TRMT9B: variants seen among roughly 807,000 people sequenced by gnomAD.
TRMT9B encodes the protein probable tRNA methyltransferase 9B.
In TRMT9B, 16 loss-of-function variants were observed where a neutral mutation model predicts 11.5. The ratio of observed to expected loss-of-function variants is 1.39; its 90% CI spans 0.94 to 2.11. The LOEUF is 2.11. Among genes scored for constraint, TRMT9B ranks in the 30% most tolerant of loss-of-function variants. TRMT9B has a pLI of 0.00. For missense variants in TRMT9B, 941 were observed against 553.8 expected (o/e 1.70, Z -7.02); for synonymous variants, 274 against 192.4 (o/e 1.42, Z -3.51).
intron 1 of TRMT9B, among the ~76,000 whole-genome samples, chr8:12,974,057 G>T (rs1345280700): frequency 6.6e-6 from 1 of 152,006 alleles, no homozygotes; most frequent in Non-Finnish European, 1.5e-5. Context: ...TGTAGTCCCA[G>T]CTACTCAGAA....
rs192921754 is a variant in TRMT9B at position 12,965,867 on chromosome 8, G to C, written c.-200+19901G>C. Among the ~76,000 whole-genome samples, 236 of 150,706 alleles carry C rather than the reference G, an allele frequency of 1.6e-3. 4 individuals carry two copies. The highest frequency in any genetic ancestry group is 0.014 in the Admixed American group (208 of 15,132). On this transcript the variant is annotated intron_variant, in intron 1 of 4. Transcript: ENST00000524591. ...ATCTCTACTAAATATACAAAAATCA[G>C]CCGGGTGTGGTGGCGGGCACCTGTA...
Position 13,021,952 on chromosome 8 carries a change from A to G in TRMT9B, c.1273A>G (p.Lys425Glu). Residue 425 changes from lysine to glutamate, a missense_variant, in exon 5 of 5, where the codon AAG (lysine) becomes GAG (glutamate). Lys to Glu is a moderately conservative substitution (Grantham distance 56). Transcript: ENST00000524591. ...FREGELCSLL[K>E]ENVSELRILS... Reference sequence around the variant, plus strand: ...AGAAGGGGAGCTCTGCAGTCTGCTCAAGGAGAATGTGTCAGAGCTCCGTAT... The same window carrying G: ...AGAAGGGGAGCTCTGCAGTCTGCTCGAGGAGAATGTGTCAGAGCTCCGTAT... 6.2e-7 allele frequency: 1 copy of G among 1,613,696 alleles called. No individual in the cohort carries two copies. The highest frequency in any genetic ancestry group is 8.5e-7 in the Non-Finnish European group (1 of 1,179,818).
chr8:12,953,301 G>A (rs1800874317), intron 1 of TRMT9B, among the ~76,000 whole-genome samples: 1 of 152,126 alleles, frequency 6.6e-6, no homozygotes, highest in Non-Finnish European at 1.5e-5. Context: ...TTATTCATGT[G>A]ACATCAGCAA....
intron 4 of TRMT9B, among the ~76,000 whole-genome samples, chr8:13,020,384 C>T (rs774835980): frequency 6.6e-6 from 1 of 152,142 alleles, no homozygotes; most frequent in South Asian, 2.1e-4. Context: ...AAGCTCATTT[C>T]GACTTTGCAG....
At chr8:12,993,193 A>G (rs1274070692) in intron 2 of TRMT9B, among the ~76,000 whole-genome samples, 2 of 152,230 alleles carry the variant, frequency 1.3e-5, no homozygotes, top group African/African-American at 2.4e-5. Flanking sequence ...TTCGTGACAG[A>G]CTGAGGAGTG....
rs1814238208 is a variant in TRMT9B, at chr8:13,023,235, T to C, written c.*1191T>C. 6.0e-6 allele frequency: 1 copy of C among 167,108 alleles called. No individual in the cohort carries two copies. Among genetic ancestry groups the C allele is most frequent in the African/African-American group, 2.4e-5 (1 of 41,466 alleles). 10.4% of individuals were successfully genotyped at this position (167,108 alleles called of 1,614,324 possible). ...CAAGAACTAGGCATTTCTTCTGAGTTGACGGACTCTTTAGGAAAGGAGAAT... is the reference window on the plus strand; with the variant it reads ...CAAGAACTAGGCATTTCTTCTGAGTCGACGGACTCTTTAGGAAAGGAGAAT... On this transcript the variant is annotated 3_prime_UTR_variant, in exon 5 of 5. Transcript: ENST00000524591.
rs374331246 is a variant in TRMT9B, at chr8:12,990,886, G to A, written c.-147G>A. The A allele has an allele frequency of 2.9e-4, 378 of 1,289,480 alleles. 1 individual carries two copies. Among genetic ancestry groups the A allele is most frequent in the African/African-American group, 5.9e-4 (39 of 65,944 alleles). The allele number at this position is 1,289,480 out of a possible 1,614,324, so 79.9% of individuals were successfully genotyped here. Reference sequence around the variant, plus strand: ...CAAGAGGTTTATCATGAGAAGGACCGCACTATTTCATTTCACTCCTACAAG... The same window carrying A: ...CAAGAGGTTTATCATGAGAAGGACCACACTATTTCATTTCACTCCTACAAG... On this transcript the variant is annotated 5_prime_UTR_variant, in exon 2 of 5. Coordinates refer to ENST00000524591, the MANE Select transcript of TRMT9B (RefSeq NM_020844.3).
At chr8:12,984,083 CT>C (rs1240950308) in intron 1 of TRMT9B, among the ~76,000 whole-genome samples, 1 of 152,114 alleles carries the variant, frequency 6.6e-6, no homozygotes, top group Non-Finnish European at 1.5e-5. Flanking sequence ...ATAGTGACGC[CT>C]TTTCTTTCTG....
At chr8:12,977,391 A>G (rs1359371209) in intron 1 of TRMT9B, among the ~76,000 whole-genome samples, 1 of 152,144 alleles carries the variant, frequency 6.6e-6, no homozygotes. Context: ...CACCATGACC[A>G]TCTTATTTTC....
chr8:13,005,059 C>A lies in TRMT9B; in HGVS notation c.-1-1143C>A, dbSNP rs147638999. On this transcript the variant is annotated intron_variant, in intron 2 of 4. Coordinates refer to ENST00000524591, the MANE Select transcript of TRMT9B (RefSeq NM_020844.3). ...CGAGATCATGCCACTGCACTCCAGC[C>A]TGGGCGATACAGCGAGACTGCATCT... Among the ~76,000 whole-genome samples the A allele has an allele frequency of 5.5e-3, 819 of 149,136 alleles. 6 individuals are homozygous for A. Among genetic ancestry groups the A allele is most frequent in the African/African-American group, 0.019 (769 of 39,960 alleles).
rs1026079778 is a variant in TRMT9B at position 12,990,956 on chromosome 8, T to C, written c.-77T>C. The C allele has an allele frequency of 7.0e-6, 9 of 1,288,944 alleles. No individual in the cohort carries two copies. Among genetic ancestry groups the C allele is most frequent in the Admixed American group, 4.6e-5 (2 of 43,504 alleles). 79.8% of individuals were successfully genotyped at this position (1,288,944 alleles called of 1,614,324 possible). A position where few individuals can be genotyped will look rare whatever the true frequency, so the allele number is the denominator to read the frequency against. On this transcript the variant is annotated 5_prime_UTR_variant, in exon 2 of 5. Coordinates refer to ENST00000524591, the MANE Select transcript of TRMT9B (RefSeq NM_020844.3). The stretch of plus-strand genomic sequence containing the variant: ...TTGAGAAAGTTATGAGAAGCAACTG[T>C]CACTCTCTGGAGGTGGAGACTGCCG...
At position 13,026,695 on chromosome 8, in the gene TRMT9B, A is replaced by G. The variant is rs1486328986; in HGVS notation, c.*4651A>G. On this transcript the variant is annotated 3_prime_UTR_variant, in exon 5 of 5. Coordinates refer to ENST00000524591, the MANE Select transcript of TRMT9B (RefSeq NM_020844.3). ...GAAAGAAATTAAATTGCTTAAGGTT[A>G]CACACATAGTAGGTATCACACATTT... 3 of 167,170 alleles carry G rather than the reference A, an allele frequency of 1.8e-5. No individual in the cohort carries two copies. The highest frequency in any genetic ancestry group is 4.4e-5 in the Non-Finnish European group (3 of 68,146). 10.4% of individuals were successfully genotyped at this position (167,170 alleles called of 1,614,324 possible). A position where few individuals can be genotyped will look rare whatever the true frequency, so the allele number is the denominator to read the frequency against.
intron 2 of TRMT9B, among the ~76,000 whole-genome samples, chr8:13,002,479 T>C (rs1231702236): frequency 6.6e-6 from 1 of 152,214 alleles, no homozygotes; most frequent in Non-Finnish European, 1.5e-5. Flanking sequence ...CAGTTGAAGG[T>C]GCAACATAAG....
chr8:12,960,806 TG>T (rs1802005012), intron 1 of TRMT9B, among the ~76,000 whole-genome samples: 1 of 151,846 alleles, frequency 6.6e-6, no homozygotes, highest in Non-Finnish European at 1.5e-5. Context: ...GGGTCGAGTG[TG>T]GGGGTAAGAG....
At chr8:12,955,096 T>C (rs910712432) in intron 1 of TRMT9B, among the ~76,000 whole-genome samples, 78 of 152,322 alleles carry the variant, frequency 5.1e-4, no homozygotes, top group African/African-American at 1.9e-3. Context: ...GGTTGCTGCC[T>C]AATAGACTCT....
intron 1 of TRMT9B, among the ~76,000 whole-genome samples, chr8:12,984,702 C>T (rs1477397841): frequency 1.3e-5 from 2 of 152,160 alleles, no homozygotes; most frequent in Admixed American, 1.3e-4. Context: ...CTGACACCAG[C>T]AGCCAATGCC....
At chr8:13,013,164 A>G (rs972484639) in intron 4 of TRMT9B, among the ~76,000 whole-genome samples, 1 of 152,200 alleles carries the variant, frequency 6.6e-6, no homozygotes, top group Non-Finnish European at 1.5e-5. Flanking sequence ...GCACTTCATT[A>G]TATTTAAATG....
At chr8:12,995,307 A>T (rs193044177) in intron 2 of TRMT9B, among the ~76,000 whole-genome samples, 3 of 152,348 alleles carry the variant, frequency 2.0e-5, no homozygotes, top group Non-Finnish European at 2.9e-5. Context: ...ATGTGTAAAA[A>T]GTTAAATGAG....
intron 1 of TRMT9B, among the ~76,000 whole-genome samples, chr8:12,980,476 T>A (rs549699474): frequency 6.6e-6 from 1 of 152,254 alleles, no homozygotes; most frequent in South Asian, 2.1e-4. Flanking sequence ...GACTACACCA[T>A]CTCACGGGAC....
Sources: allele counts gnomAD v4.1 joint callset (sites outside exome capture counted in the v4.1 genomes callset), GRCh38; gene constraint gnomAD v4.1.1; transcripts MANE v1.5; gene names NCBI Gene and HGNC (gene_info 2026-07-23, HGNC 2026-07-21).